NUFIP2: variants seen among roughly 807,000 people sequenced by gnomAD.
The protein encoded by NUFIP2 is FMR1-interacting protein NUFIP2.
NUFIP2 carries 6 observed loss-of-function variants against 56.9 expected under a neutral mutation model. That is an observed-to-expected ratio of 0.11 (90% CI 0.06 to 0.21). The LOEUF is 0.21. Among genes scored for constraint, NUFIP2 ranks in the 10% least tolerant of loss-of-function variants. The pLI is 1.00. For missense variants in NUFIP2, 828 were observed against 826.8 expected, an observed-to-expected ratio of 1.00 and a Z score of -0.02; for synonymous variants, 321 against 298.2, an observed-to-expected ratio of 1.08 and a Z score of -0.79.
At chr17:29,280,751 G>A (rs772466957) in intron 2 of NUFIP2, among the ~76,000 whole-genome samples, 7 of 151,992 alleles carry the variant, frequency 4.6e-5, no homozygotes, top group East Asian at 3.9e-4. Context: ...TTTCGGAGGC[G>A]GAGGTGGGCG....
At chr17:29,267,148 C>A (rs919681255) in intron 3 of NUFIP2, among the ~76,000 whole-genome samples, 2 of 152,016 alleles carry the variant, frequency 1.3e-5, no homozygotes, top group African/African-American at 2.4e-5. Flanking sequence ...GGGTGATCCA[C>A]CCGCCTCAGC....
At chr17:29,285,213 T>C (rs1291557396) in intron 2 of NUFIP2, among the ~76,000 whole-genome samples, 1 of 151,720 alleles carries the variant, frequency 6.6e-6, no homozygotes, top group East Asian at 1.9e-4. Flanking sequence ...GGCAGGAGAA[T>C]CACCTGAACC....
At position 29,294,147 on chromosome 17, in the gene NUFIP2, C is replaced by T. The variant is rs764775591; in HGVS notation, c.-88G>A. ...GCTTCTCAGGGCTCACTCAGTATAT[C>T]TGAGCGCGTCTCGCCAGCGCACTGG... On this transcript the variant is annotated 5_prime_UTR_variant, in exon 1 of 4. Transcript: ENST00000225388. 5.4e-6 allele frequency: 8 copies of T among 1,469,610 alleles called. No individual in the cohort carries two copies. The East Asian group carries it at 1.9e-4, about 35-fold the overall frequency. The allele number at this position is 1,469,610 out of a possible 1,614,324, so 91.0% of individuals were successfully genotyped here. A position where few individuals can be genotyped will look rare whatever the true frequency, so the allele number is the denominator to read the frequency against.
intron 1 of NUFIP2, among the ~76,000 whole-genome samples, chr17:29,290,503 A>G (rs2069204690): frequency 6.6e-6 from 1 of 150,722 alleles, no homozygotes; most frequent in African/African-American, 2.4e-5. Flanking sequence ...AAAAAAAAGA[A>G]AAAAAAAATC....
At chr17:29,287,751 A>G in intron 1 of NUFIP2, 35 bp from the exon 2 acceptor site, 3 of 1,458,384 alleles carry the variant, frequency 2.1e-6, no homozygotes, top group Non-Finnish European at 2.8e-6. Flanking sequence ...AAAAAAAAAA[A>G]TCACAACATG....
rs2068970796 is a variant in NUFIP2, at chr17:29,256,252, G to C, written c.*8287C>G. ...GATTAAGAGGTAACTCAGCTCCTTA[G>C]TGCCTCTGCACGAGACAGAGAAATT... On this transcript the variant is annotated 3_prime_UTR_variant, in exon 4 of 4. Coordinates refer to ENST00000225388, the MANE Select transcript of NUFIP2 (RefSeq NM_020772.3). 1 of 152,208 alleles carries C rather than the reference G, an allele frequency of 6.6e-6. No individual in the cohort carries two copies. Among genetic ancestry groups the C allele is most frequent in the Admixed American group, 6.5e-5 (1 of 15,280 alleles). The allele number at this position is 152,208 out of a possible 1,614,324, so 9.4% of individuals were successfully genotyped here.
Position 29,262,633 on chromosome 17 carries a change from A to T in NUFIP2, c.*1906T>A, listed in dbSNP as rs1243709297. 6.6e-6 allele frequency: 1 copy of T among 152,254 alleles called. No individual in the cohort carries two copies. The highest frequency in any genetic ancestry group is 1.5e-5 in the Non-Finnish European group (1 of 67,942). 9.4% of individuals were successfully genotyped at this position (152,254 alleles called of 1,614,324 possible). Reference sequence around the variant, plus strand: ...ACATATTATACATTTGAAAATTACAATATCAGTCAAAGTGATACAGTTTAC... The same window carrying T: ...ACATATTATACATTTGAAAATTACATTATCAGTCAAAGTGATACAGTTTAC... On this transcript the variant is annotated 3_prime_UTR_variant, in exon 4 of 4. Transcript: ENST00000225388.
At chr17:29,271,536 CAAA>C (rs200734042) in intron 2 of NUFIP2, among the ~76,000 whole-genome samples, 1 of 118,930 alleles carries the variant, frequency 8.4e-6, no homozygotes, top group Admixed American at 8.7e-5. Flanking sequence ...GACTCCGTCT[CAAA>C]AAAAAAAAAA....
intron 2 of NUFIP2, among the ~76,000 whole-genome samples, chr17:29,273,033 T>TAC (rs1491384409): frequency 8.3e-4 from 77 of 92,684 alleles, no homozygotes; most frequent in East Asian, 3.1e-3. Flanking sequence ...TATATATATA[T>TAC]ACACACACAC....
chr17:29,283,377 G>A (rs1336094763), intron 2 of NUFIP2, among the ~76,000 whole-genome samples: 1 of 152,068 alleles, frequency 6.6e-6, no homozygotes, highest in Non-Finnish European at 1.5e-5. Flanking sequence ...TCACTCTGTT[G>A]CCCAGGCCTG....
chr17:29,287,017 G>A lies in NUFIP2; in HGVS notation c.977C>T (p.Ala326Val), dbSNP rs776827080. Residue 326 changes from alanine (A) to valine (V), a missense_variant, in exon 2 of 4, where the codon GCT becomes GTT. Physicochemically the swap from Ala to Val is moderately conservative, Grantham distance 64. Coordinates refer to ENST00000225388, the MANE Select transcript of NUFIP2 (RefSeq NM_020772.3). ...DDRPKGKHAS[A>V]VASKEDSWTL... Reference sequence around the variant, plus strand: ...CCACGAGTCCTCTTTGGAGGCAACAGCTGAAGCATGCTTTCCTTTGGGCCG... The same window carrying A: ...CCACGAGTCCTCTTTGGAGGCAACAACTGAAGCATGCTTTCCTTTGGGCCG... The A allele has an allele frequency of 3.1e-6, 5 of 1,614,086 alleles. No homozygotes were observed. The Admixed American group carries it at 8.3e-5, about 27-fold the overall frequency.
Position 29,268,470 on chromosome 17 carries a change from A to C in NUFIP2, c.2003-940T>G, listed in dbSNP as rs530978829. On this transcript the variant is annotated intron_variant, in intron 2 of 3. Coordinates refer to ENST00000225388, the MANE Select transcript of NUFIP2 (RefSeq NM_020772.3). ...GTTTAATTAGTTTAACCATTCAGGC[A>C]AGTAGTTCTAACCTCTAAACCACAC... is the stretch of plus-strand genomic sequence containing the variant. 2.0e-5 allele frequency among the ~76,000 whole-genome samples: 3 copies of C among 152,292 alleles called. No individual in the cohort carries two copies. The South Asian group carries it at 6.2e-4, about 32-fold the overall frequency.
intron 2 of NUFIP2, among the ~76,000 whole-genome samples, chr17:29,271,073 G>T (rs556242221): frequency 2.1e-4 from 32 of 152,130 alleles, no homozygotes; most frequent in African/African-American, 7.7e-4. Context: ...TGCAGCTTAA[G>T]GTTTTACTCA....
At position 29,286,673 on chromosome 17, in the gene NUFIP2, T is replaced by C. The variant is rs751905858; in HGVS notation, c.1321A>G (p.Asn441Asp). ...CCAGAAGAGATGGGTGTTAGAGTAT[T>C]AGCAGCAGTAGTTAGCAGTGGCTGA... ...GGQPLLTTAA[N>D]TLTPISSGTD... is the part of the protein sequence containing the mutation. The change falls in exon 2 of 4, where the codon AAT becomes GAT. Residue 441 changes from asparagine to aspartate, a missense_variant. Around this residue, in one of 3 missense-constraint regions of NUFIP2, gnomAD observed 404 missense variants for 380.3 expected, o/e 1.06. Coordinates refer to ENST00000225388, the MANE Select transcript of NUFIP2 (RefSeq NM_020772.3). 2.5e-6 allele frequency: 4 copies of C among 1,614,114 alleles called. No individual in the cohort carries two copies. The highest frequency in any genetic ancestry group is 1.1e-5 in the South Asian group (1 of 91,080).
At chr17:29,267,458 T>A (rs2069045174) in intron 3 of NUFIP2, 40 bp downstream of exon 3, 1 of 1,134,880 alleles carries the variant, frequency 8.8e-7, no homozygotes, top group African/African-American at 1.6e-5. Flanking sequence ...GTCCAGTGGT[T>A]ACTTATTAGT....
In NUFIP2 at chr17:29,286,241, T is replaced by C. The variant is rs746649930; in HGVS notation, c.1753A>G (p.Thr585Ala). ...AAGGATAAGGCTCCACTCTCACTAG[T>C]AGTCCCAGATTTTAGAATGCTACCC... ...VLGSILKSGT[T>A]SESGALSLEP... The change falls in exon 2 of 4, where the codon ACT becomes GCT. Residue 585 changes from threonine to alanine, a missense_variant. Thr to Ala is a moderately conservative substitution (Grantham distance 58). Transcript: ENST00000225388. 2.5e-6 allele frequency: 4 copies of C among 1,614,224 alleles called. No individual in the cohort carries two copies. The highest frequency in any genetic ancestry group is 2.2e-5 in the East Asian group (1 of 44,886).
At chr17:29,284,053 T>C (rs2069156035) in intron 2 of NUFIP2, among the ~76,000 whole-genome samples, 1 of 152,204 alleles carries the variant, frequency 6.6e-6, no homozygotes, top group African/African-American at 2.4e-5. Flanking sequence ...ACAAATCACT[T>C]TGTTATTCAT....
chr17:29,286,088 C>CTAA lies in NUFIP2; in HGVS notation c.1903_1905dup (p.Leu635dup). ...TGGTATCTCTGTTCTTTGGCAGAGC[C>CTAA]TAACAAAGTGTTCGTAGGAGAGGCC... is the stretch of plus-strand genomic sequence containing the variant. On this transcript the variant is annotated inframe_insertion, in exon 2 of 4. Coordinates refer to ENST00000225388, the MANE Select transcript of NUFIP2 (RefSeq NM_020772.3). The CTAA allele has an allele frequency of 6.2e-7, 1 of 1,613,994 alleles. No homozygotes were observed. Among genetic ancestry groups the CTAA allele is most frequent in the Non-Finnish European group, 8.5e-7 (1 of 1,179,910 alleles).
At chr17:29,291,022 C>G (rs1436910903) in intron 1 of NUFIP2, among the ~76,000 whole-genome samples, 4 of 128,232 alleles carry the variant, frequency 3.1e-5, no homozygotes, top group South Asian at 4.9e-4. Context: ...CTCCCGCCCG[C>G]AAGTTTTAAT....
Sources: allele counts gnomAD v4.1 joint callset (sites outside exome capture counted in the v4.1 genomes callset), GRCh38; gene constraint gnomAD v4.1.1; regional missense constraint gnomAD v4.1.1; transcripts MANE v1.5; gene names NCBI Gene and HGNC (gene_info 2026-07-23, HGNC 2026-07-21).